The following EEF1E1 variants were observed in gnomAD, a reference collection of about 807,000 sequenced individuals.
EEF1E1 encodes eukaryotic translation elongation factor 1 epsilon-1.
Under a neutral mutation model 19.9 loss-of-function variants are expected in EEF1E1, and 19 were observed. The ratio of observed to expected loss-of-function variants is 0.95; its 90% confidence interval spans 0.66 to 1.40. The LOEUF (loss-of-function observed/expected upper bound fraction) is 1.40, where lower values mean the gene tolerates loss of function less well. Among genes scored for constraint, EEF1E1 ranks in the 40% most tolerant of loss-of-function variants. The probability of loss-of-function intolerance (pLI) is 0.00; values close to 1 mark genes in which losing one functional copy is unlikely to be tolerated. For missense variants in EEF1E1, 198 were observed against 202.2 expected, an observed-to-expected ratio of 0.98 and a Z score of 0.13; for synonymous variants, 81 against 80.0, an observed-to-expected ratio of 1.01 and a Z score of -0.07.
intron 1 of EEF1E1, among the ~76,000 whole-genome samples, chr6:8,099,877 AT>A (rs1359576230): frequency 6.6e-6 from 1 of 152,074 alleles, no homozygotes; most frequent in Non-Finnish European, 1.5e-5. Context: ...TTGTCTTTAA[AT>A]AACACGTGAC....
At chr6:8,074,968 C>G (rs964697758), downstream of EEF1E1, among the ~76,000 whole-genome samples, 1 of 152,188 alleles carries the variant, frequency 6.6e-6, no homozygotes, top group Non-Finnish European at 1.5e-5. Context: ...GCCTCCCGCT[C>G]TTTCCTCACT....
intron 3 of EEF1E1, among the ~76,000 whole-genome samples, chr6:8,089,297 C>A (rs562270346): frequency 2.0e-5 from 3 of 151,992 alleles, no homozygotes; most frequent in African/African-American, 4.8e-5. Context: ...CTAAGATAAG[C>A]GGTGTATTAG....
chr6:8,073,555 A>G (rs188682849), intron 3 of EEF1E1: 3 of 1,550,392 alleles, frequency 1.9e-6, no homozygotes, highest in Admixed American at 3.9e-5. Flanking sequence ...TAAAGCACTT[A>G]GAATAGTGCC....
At position 8,079,693 on chromosome 6, in the gene EEF1E1, G is replaced by A; in HGVS notation, c.*197C>T. The A allele has an allele frequency of 3.2e-6, 4 of 1,267,178 alleles. No homozygotes were observed. The highest frequency in any genetic ancestry group is 4.0e-6 in the Non-Finnish European group (4 of 1,003,210). The allele number at this position is 1,267,178 out of a possible 1,614,324, so 78.5% of individuals were successfully genotyped here. A position where few individuals can be genotyped will look rare whatever the true frequency, so the allele number is the denominator to read the frequency against. ...GATCTCAACTTGTTTAATAGCAATT[G>A]AATTTTGACATAAAAATTGCAAAAC... On this transcript the variant is annotated 3_prime_UTR_variant, in exon 4 of 4. Transcript: ENST00000379715.
At chr6:8,076,937 TTTTG>T (rs1212693563), downstream of EEF1E1, among the ~76,000 whole-genome samples, 5 of 134,008 alleles carry the variant, frequency 3.7e-5, no homozygotes, top group African/African-American at 1.1e-4. Context: ...TTTTTTTTGT[TTTTG>T]TTTTTGTTTT....
intron 3 of EEF1E1, among the ~76,000 whole-genome samples, chr6:8,073,826 C>G (rs79124679): frequency 6.6e-6 from 1 of 152,360 alleles, no homozygotes; most frequent in East Asian, 1.9e-4. Context: ...TCATTTGGCA[C>G]TCAGAAGGCA....
In EEF1E1 at chr6:8,090,245, T is replaced by G. The variant is rs1757979740; in HGVS notation, c.325A>C (p.Thr109Pro). ...NSYLEDKVYL[T>P]GYNFTLADIL... ...TCTGCTAATGTAAAGTTATACCCTGTAAGGTAGACTTTATCTTCAAGATAT... is the reference window on the plus strand; with the variant it reads ...TCTGCTAATGTAAAGTTATACCCTGGAAGGTAGACTTTATCTTCAAGATAT... The change falls in exon 3 of 4, where the codon ACA becomes CCA. Residue 109 changes from threonine to proline, a missense_variant. Physicochemically the swap from Thr to Pro is conservative, Grantham distance 38 (BLOSUM62 -1). Transcript: ENST00000379715. The G allele has an allele frequency of 6.7e-7, 1 of 1,498,832 alleles. No homozygotes were observed. Among genetic ancestry groups the G allele is most frequent in the African/African-American group, 1.5e-5 (1 of 68,512 alleles). The allele number at this position is 1,498,832 out of a possible 1,614,324, so 92.8% of individuals were successfully genotyped here.
intron 3 of EEF1E1, among the ~76,000 whole-genome samples, chr6:8,073,952 A>G (rs1757535872): frequency 6.6e-6 from 1 of 152,194 alleles, no homozygotes. Context: ...CCCTCCGACT[A>G]CACATCTGGC....
intron 3 of EEF1E1, among the ~76,000 whole-genome samples, chr6:8,084,034 A>G (rs1478517833): frequency 1.3e-5 from 2 of 152,156 alleles, no homozygotes; most frequent in Non-Finnish European, 2.9e-5. Flanking sequence ...CTGCACTTGG[A>G]CTAGAGTGGG....
At chr6:8,077,431 G>A (rs554830199), downstream of EEF1E1, among the ~76,000 whole-genome samples, 41 of 152,184 alleles carry the variant, frequency 2.7e-4, no homozygotes, top group Non-Finnish European at 5.1e-4. Flanking sequence ...TCTGTTAATA[G>A]GCTGTTTCAT....
downstream of EEF1E1, among the ~76,000 whole-genome samples, chr6:8,076,513 C>G (rs528655905): frequency 3.3e-5 from 5 of 151,266 alleles, no homozygotes; most frequent in South Asian, 6.3e-4. Flanking sequence ...TTAGTACAGA[C>G]GGGGTTTCAC....
chr6:8,089,981 T>C (rs963860267), intron 3 of EEF1E1: 5 of 403,180 alleles, frequency 1.2e-5, no homozygotes, highest in Admixed American at 4.4e-5. Context: ...AAAGTTTTTT[T>C]AAATTTTATT....
At chr6:8,088,019 C>T (rs1306225536) in intron 3 of EEF1E1, among the ~76,000 whole-genome samples, 1 of 152,144 alleles carries the variant, frequency 6.6e-6, no homozygotes, top group Non-Finnish European at 1.5e-5. Context: ...GACCTCGTTC[C>T]ACCACTTACT....
At chr6:8,101,945 C>T in intron 1 of EEF1E1, 1 of 1,243,336 alleles carries the variant, frequency 8.0e-7, no homozygotes, top group South Asian at 1.3e-5. Flanking sequence ...GTCCACCTGG[C>T]CAAAAAGCAA....
intron 3 of EEF1E1, among the ~76,000 whole-genome samples, chr6:8,086,682 C>T (rs114005648): frequency 0.013 from 1,988 of 152,246 alleles, 40 homozygotes; most frequent in African/African-American, 0.045. Context: ...GTTTCTTTCT[C>T]TGTAAAAGAA....
intron 2 of EEF1E1, among the ~76,000 whole-genome samples, chr6:8,094,319 G>A (rs72496781): frequency 0.18 from 27,891 of 151,776 alleles, 2,764 homozygotes; most frequent in Admixed American, 0.25. Context: ...TAAGGACGCC[G>A]GGTGCGGTGG....
intron 3 of EEF1E1, among the ~76,000 whole-genome samples, chr6:8,088,366 C>T (rs1332096406): frequency 2.0e-5 from 3 of 152,152 alleles, no homozygotes; most frequent in Non-Finnish European, 4.4e-5. Flanking sequence ...GCTGTGTACC[C>T]ACCCACATCT....
At chr6:8,101,304 G>T (rs1346717357) in intron 1 of EEF1E1, among the ~76,000 whole-genome samples, 1 of 120,124 alleles carries the variant, frequency 8.3e-6, no homozygotes, top group African/African-American at 3.2e-5. Context: ...CAATTTAAAC[G>T]GTTGCAATGT....
intron 1 of EEF1E1, 121 bp from the exon 2 acceptor site, chr6:8,097,588 G>T: frequency 1.4e-6 from 1 of 716,828 alleles, no homozygotes; most frequent in Non-Finnish European, 2.3e-6. Context: ...TTTACTCTAA[G>T]ATACTAAATT....
Sources: allele counts gnomAD v4.1 joint callset (sites outside exome capture counted in the v4.1 genomes callset), GRCh38; gene constraint gnomAD v4.1.1; transcripts MANE v1.5; gene names NCBI Gene and HGNC (gene_info 2026-07-23, HGNC 2026-07-21).